LAMB4: variants seen among roughly 807,000 people sequenced by gnomAD.
LAMB4 encodes laminin subunit beta-4.
In LAMB4, 196 loss-of-function variants were observed where a neutral mutation model predicts 199.2. The ratio of observed to expected loss-of-function variants is 0.98; its 90% CI spans 0.88 to 1.11. The LOEUF (loss-of-function observed/expected upper bound fraction) is 1.11. LAMB4 is among the 50% of genes least tolerant of loss of function. The pLI, the probability that LAMB4 is intolerant of heterozygous loss-of-function variation, is 0.00. For missense variants in LAMB4, 2,080 were observed against 2,171.2 expected, an observed-to-expected ratio of 0.96 and a Z score of 0.83; for synonymous variants, 744 against 770.6, an observed-to-expected ratio of 0.97 and a Z score of 0.57.
chr7:108,097,457 A>G (rs1350137436), intron 11 of LAMB4, among the ~76,000 whole-genome samples: 1 of 152,020 alleles, frequency 6.6e-6, no homozygotes, highest in Non-Finnish European at 1.5e-5. Context: ...CCAATATTAG[A>G]AGGGGTGTGA....
chr7:108,038,365 G>T (rs2150500919), intron 29 of LAMB4, among the ~76,000 whole-genome samples: 1 of 152,256 alleles, frequency 6.6e-6, no homozygotes, highest in African/African-American at 2.4e-5. Context: ...GTTTCACCAT[G>T]TTGGCCAGGA....
intron 16 of LAMB4, 98 bp from the exon 17 acceptor site, chr7:108,077,162 C>T: frequency 1.6e-6 from 2 of 1,247,794 alleles, no homozygotes; most frequent in Admixed American, 1.8e-5. Context: ...TTGTACTGGG[C>T]AGTGACCTCC....
Position 108,111,924 on chromosome 7 carries a change from C to A in LAMB4, c.215G>T (p.Cys72Phe). ...CGGATCATATGGAAATCTAGAGTCACAGATGAAGCATTTTTGTTCCCCCTG... is the reference window on the plus strand; with the variant it reads ...CGGATCATATGGAAATCTAGAGTCAAAGATGAAGCATTTTTGTTCCCCCTG... ...YLEGEQKCFI[C>F]DSRFPYDPYD... The change falls in exon 4 of 34, where the codon TGT (cysteine) becomes TTT (phenylalanine). Residue 72 changes from cysteine to phenylalanine, a missense_variant. Cys to Phe is a radical substitution (Grantham distance 205, BLOSUM62 -2). Transcript: ENST00000388781. 6.2e-7 allele frequency: 1 copy of A among 1,605,880 alleles called. No individual in the cohort carries two copies. Among genetic ancestry groups the A allele is most frequent in the South Asian group, 1.1e-5 (1 of 88,042 alleles).
chr7:108,079,665 C>A lies in LAMB4; in HGVS notation c.1823G>T (p.Arg608Ile), dbSNP rs2036852480. 1 of 1,613,180 alleles carries A rather than the reference C, an allele frequency of 6.2e-7. No individual in the cohort carries two copies. The highest frequency in any genetic ancestry group is 1.7e-5 in the Admixed American group (1 of 59,838). The part of the protein sequence containing the change: ...FARVLPGAGL[R>I]FAVNNIPFPV... ...AAAGGGAATGTTGTTGACAGCAAAT[C>A]TCAAGCCAGCCCCAGGGAGAACCCT... The change falls in exon 15 of 34, where the codon AGA becomes ATA. Residue 608 changes from arginine to isoleucine, a missense_variant. By Grantham distance (97) the Arg-to-Ile change is moderately conservative. Transcript: ENST00000388781.
At position 108,065,792 on chromosome 7, in the gene LAMB4, C is replaced by T. The variant is rs1563060377; in HGVS notation, c.2806G>A (p.Val936Ile). 6.2e-7 allele frequency: 1 copy of T among 1,614,106 alleles called. No individual in the cohort carries two copies. Among genetic ancestry groups the T allele is most frequent in the Non-Finnish European group, 8.5e-7 (1 of 1,179,958 alleles). The change falls in exon 21 of 34, where the codon GTA becomes ATA. Residue 936 changes from valine (V) to isoleucine (I), a missense_variant. Coordinates refer to ENST00000388781, the MANE Select transcript of LAMB4 (RefSeq NM_007356.3). Reference protein sequence around the residue: ...SCYQNLWSSDVICNCLQGYTG... With the variant: ...SCYQNLWSSDIICNCLQGYTG... ...TAACCTTGAAGACAATTGCAGATTA[C>T]ATCTGAGCTCCACAGATTCTGATAA...
the LAMB4 span, among the ~76,000 whole-genome samples, chr7:108,011,699 G>A: frequency 5.1e-4 from 77 of 152,174 alleles, no homozygotes; most frequent in African/African-American, 1.6e-3. Flanking sequence ...GATTACAGGC[G>A]TGAGCCACTG....
chr7:108,051,020 G>A (rs899422546), intron 26 of LAMB4, among the ~76,000 whole-genome samples: 9 of 152,180 alleles, frequency 5.9e-5, no homozygotes, highest in African/African-American at 2.2e-4. Context: ...ACTGCACAAT[G>A]TCAGGCATTG....
At chr7:108,053,982 C>G (rs1042066302) in intron 25 of LAMB4, among the ~76,000 whole-genome samples, 10 of 152,192 alleles carry the variant, frequency 6.6e-5, no homozygotes, top group African/African-American at 1.9e-4. Flanking sequence ...TTGAGGAGAT[C>G]TGTTAACATA....
rs900981611 is a variant in LAMB4 at position 108,043,636 on chromosome 7, G to C, written c.4471+116C>G. The C allele has an allele frequency of 3.0e-4, 61 of 203,898 alleles. 2 individuals carry two copies. Among genetic ancestry groups the C allele is most frequent in the African/African-American group, 5.6e-4 (2 of 3,602 alleles). The allele number at this position is 203,898 out of a possible 1,614,324, so 12.6% of individuals were successfully genotyped here. A position where few individuals can be genotyped will look rare whatever the true frequency, so the allele number is the denominator to read the frequency against. Reference sequence around the variant, plus strand: ...GCTCTGTCGCCCAGGCTGGAGTGCAGTGGCGCGATCTCGGCTCACTGCAAG... The same window carrying C: ...GCTCTGTCGCCCAGGCTGGAGTGCACTGGCGCGATCTCGGCTCACTGCAAG... On this transcript the variant is annotated intron_variant, in intron 29 of 33. Coordinates refer to ENST00000388781, the MANE Select transcript of LAMB4 (RefSeq NM_007356.3).
At chr7:108,067,883 T>G (rs908077989) in intron 19 of LAMB4, 133 bp downstream of exon 19, 1 of 1,091,588 alleles carries the variant, frequency 9.2e-7, no homozygotes, top group African/African-American at 1.6e-5. Context: ...ATATTTTATG[T>G]ACATAGATAG....
In LAMB4 at chr7:108,051,442, C is replaced by T. The variant is rs554711174; in HGVS notation, c.3916+655G>A. Among the ~76,000 whole-genome samples, 12 of 152,226 alleles carry T rather than the reference C, an allele frequency of 7.9e-5. No homozygotes were observed. The East Asian group carries it at 1.9e-3, about 25-fold the overall frequency. On this transcript the variant is annotated intron_variant, in intron 26 of 33. Transcript: ENST00000388781. ...ATTGGATGGCTTAGGTGTGAATAAA[C>T]TCAGTGATGCTTCTCTCAGTAGTAA... is the stretch of plus-strand genomic sequence containing the variant.
chr7:108,013,747 T>C, the LAMB4 span, among the ~76,000 whole-genome samples: 1 of 152,174 alleles, frequency 6.6e-6, no homozygotes, highest in Non-Finnish European at 1.5e-5. Context: ...TGCCAAATTA[T>C]GCACAGAAAG....
At chr7:108,122,541 A>T (rs2038637329) in intron 2 of LAMB4, among the ~76,000 whole-genome samples, 1 of 152,266 alleles carries the variant, frequency 6.6e-6, no homozygotes, top group African/African-American at 2.4e-5. Flanking sequence ...TCATGAAGAA[A>T]TTCAGCATAA....
At chr7:108,094,110 G>C (rs748840699) in intron 12 of LAMB4, among the ~76,000 whole-genome samples, 12 of 152,150 alleles carry the variant, frequency 7.9e-5, no homozygotes, top group African/African-American at 1.4e-4. Context: ...TTCCCCCATG[G>C]GGGGGGTCCC....
chr7:108,125,921 T>C (rs572571674), intron 1 of LAMB4, among the ~76,000 whole-genome samples: 2 of 152,334 alleles, frequency 1.3e-5, no homozygotes, highest in Non-Finnish European at 2.9e-5. Flanking sequence ...ATAAAGGTCA[T>C]GGTACAAAGA....
At chr7:108,031,348 G>GAAAAAAA (rs1225770663) in intron 31 of LAMB4, among the ~76,000 whole-genome samples, 1 of 29,630 alleles carries the variant, frequency 3.4e-5, no homozygotes. Context: ...AAAAAAAAAA[G>GAAAAAAA]AAAAAAAAGA....
chr7:108,065,708 A>G, intron 21 of LAMB4, 54 bp downstream of exon 21: 2 of 1,427,768 alleles, frequency 1.4e-6, no homozygotes, highest in Admixed American at 3.8e-5. Flanking sequence ...ATCATTTTAC[A>G]GATTACAGTG....
intron 23 of LAMB4, among the ~76,000 whole-genome samples, chr7:108,061,724 G>T (rs2036165928): frequency 7.1e-6 from 1 of 140,086 alleles, no homozygotes; most frequent in Non-Finnish European, 1.5e-5. Flanking sequence ...GGGCAACAGA[G>T]CAAGACTCTT....
intron 7 of LAMB4, 114 bp from the exon 8 acceptor site, chr7:108,106,145 TA>T (rs2038001265): frequency 2.3e-6 from 2 of 863,498 alleles, no homozygotes; most frequent in African/African-American, 3.4e-5. Flanking sequence ...AGGCCCGGTG[TA>T]GTGGCTTGCG....
Sources: gnomAD v4.1 joint callset for allele counts (sites outside exome capture counted in the v4.1 genomes callset) on GRCh38, gnomAD v4.1.1 for gene constraint, MANE v1.5 for transcripts, NCBI Gene and HGNC (gene_info 2026-07-23, HGNC 2026-07-21) for gene names.